CSMD1: variants seen among roughly 807,000 people sequenced by gnomAD.
The protein encoded by CSMD1 is CUB and Sushi multiple domains 1.
CSMD1 carries 213 observed loss-of-function variants against 417.5 expected under a neutral mutation model. That is an observed-to-expected ratio of 0.51 (90% CI 0.46 to 0.57). The LOEUF is 0.57. Ranked by LOEUF, CSMD1 falls within the 20% of genes least tolerant of loss-of-function variation. The pLI, the probability that CSMD1 is intolerant of heterozygous loss-of-function variation, is 0.00. For missense variants in CSMD1, 6,923 were observed against 4,529.7 expected (o/e 1.53, Z -15.17); for synonymous variants, 2,862 against 1,736.8 (o/e 1.65, Z -16.11).
chr8:3,862,337 G>A (rs1163291544), intron 5 of CSMD1, among the ~76,000 whole-genome samples: 1 of 152,134 alleles, frequency 6.6e-6, no homozygotes, highest in Non-Finnish European at 1.5e-5. Flanking sequence ...CGTCCACCAG[G>A]TGACCTCACT....
At chr8:4,300,321 G>C (rs1217691718) in intron 3 of CSMD1, among the ~76,000 whole-genome samples, 1 of 152,104 alleles carries the variant, frequency 6.6e-6, no homozygotes, top group East Asian at 1.9e-4. Context: ...ACCTCAAAAA[G>C]TTTGTGGAAA....
intron 2 of CSMD1, among the ~76,000 whole-genome samples, chr8:4,606,162 G>C (rs1800856850): frequency 6.6e-6 from 1 of 152,148 alleles, no homozygotes; most frequent in South Asian, 2.1e-4. Flanking sequence ...CTAAACCGCA[G>C]GACACATAAC....
chr8:3,125,706 G>A (rs756266998), intron 41 of CSMD1, among the ~76,000 whole-genome samples: 18 of 152,174 alleles, frequency 1.2e-4, no homozygotes, highest in Non-Finnish European at 1.6e-4. Context: ...GCCAGGTGCC[G>A]TGGCTCATGC....
At position 4,312,376 on chromosome 8, in the gene CSMD1, A is replaced by AATATATATATATATAT. The variant is rs535230667; in HGVS notation, c.415+107561_415+107576dup. Among the ~76,000 whole-genome samples the AATATATATATATATAT allele has an allele frequency of 2.4e-3, 152 of 63,110 alleles. 11 individuals carry two copies. The highest frequency in any genetic ancestry group is 8.8e-3 in the African/African-American group (139 of 15,720). 41.4% of individuals were successfully genotyped at this position (63,110 alleles called of 152,430 possible). On this transcript the variant is annotated intron_variant, in intron 3 of 69. Transcript: ENST00000635120. The stretch of plus-strand genomic sequence containing the variant: ...TAAGCTAATTACTTTTAATGGAACA[A>AATATATATATATATAT]ATATATATATATATATACATACATA...
Position 3,199,769 on chromosome 8 carries a change from G to T in CSMD1, c.5139C>A (p.Leu1713=). Residue 1713 remains leucine, a synonymous_variant, in exon 33 of 70, where the codon CTC becomes CTA. Transcript: ENST00000635120. ...LPLATSNQIL[L]RFSAKSGASA... ...AGGCACCGCTCTTTGCACTGAATCG[G>T]AGCAGAATTTGATTTGACGTAGCCA... The T allele has an allele frequency of 6.3e-7, 1 of 1,586,232 alleles. No individual in the cohort carries two copies. The highest frequency in any genetic ancestry group is 8.6e-7 in the Non-Finnish European group (1 of 1,165,822).
intron 5 of CSMD1, among the ~76,000 whole-genome samples, chr8:3,846,969 C>T (rs1803550845): frequency 1.3e-5 from 2 of 152,306 alleles, no homozygotes; most frequent in Middle Eastern, 3.4e-3. Flanking sequence ...GCCACTGCGC[C>T]TGGCCCCAGG....
At chr8:3,148,357 G>A (rs1818976098) in intron 40 of CSMD1, among the ~76,000 whole-genome samples, 1 of 152,202 alleles carries the variant, frequency 6.6e-6, no homozygotes, top group Non-Finnish European at 1.5e-5. Flanking sequence ...GAGATTCTGA[G>A]AAGAGCTTGC....
intron 1 of CSMD1, among the ~76,000 whole-genome samples, chr8:4,817,387 T>C (rs1799268808): frequency 6.6e-6 from 1 of 152,236 alleles, no homozygotes; most frequent in African/African-American, 2.4e-5. Flanking sequence ...TGAGGCCTGC[T>C]TGGCAACCTA....
intron 2 of CSMD1, among the ~76,000 whole-genome samples, chr8:4,473,338 A>C (rs1421152711): frequency 3.9e-5 from 6 of 152,332 alleles, no homozygotes; most frequent in African/African-American, 1.4e-4. Flanking sequence ...CAGCAGAGAC[A>C]ACCTGATGCC....
chr8:3,341,080 A>T (rs146248456), intron 23 of CSMD1, among the ~76,000 whole-genome samples: 13 of 152,330 alleles, frequency 8.5e-5, no homozygotes, highest in Middle Eastern at 3.4e-3. Context: ...AGTGGAAGTG[A>T]CCTCAAAACT....
chr8:4,587,004 T>C (rs1034609067), intron 2 of CSMD1, among the ~76,000 whole-genome samples: 1 of 152,202 alleles, frequency 6.6e-6, no homozygotes, highest in Non-Finnish European at 1.5e-5. Context: ...ATAATAGAGA[T>C]ACCCATTAAA....
At chr8:3,534,757 C>T (rs1798122123) in intron 10 of CSMD1, among the ~76,000 whole-genome samples, 1 of 152,204 alleles carries the variant, frequency 6.6e-6, no homozygotes, top group South Asian at 2.1e-4. Context: ...GAGCATATGG[C>T]ATCTTAAAGC....
In CSMD1 at chr8:4,944,984, C is replaced by T. The variant is rs147175476; in HGVS notation, c.85+49348G>A. On this transcript the variant is annotated intron_variant, in intron 1 of 69. Transcript: ENST00000635120. ...GTGTATCAGAGCTATTCAAAACAGA[C>T]GAGAGGTGGAACCAACCCGTGTCCC... 1.6e-3 allele frequency among the ~76,000 whole-genome samples: 239 copies of T among 152,206 alleles called. 3 individuals are homozygous for T. In the East Asian group the frequency reaches 0.032, roughly 20 times the overall value.
chr8:4,394,857 G>A (rs925250516), intron 3 of CSMD1, among the ~76,000 whole-genome samples: 1 of 152,004 alleles, frequency 6.6e-6, no homozygotes, highest in Non-Finnish European at 1.5e-5. Context: ...CTCTGGGCTA[G>A]AGAGTCCGAT....
intron 2 of CSMD1, among the ~76,000 whole-genome samples, chr8:4,461,792 G>T (rs566290759): frequency 1.4e-5 from 2 of 147,248 alleles, no homozygotes; most frequent in Non-Finnish European, 3.0e-5. Flanking sequence ...CCAGGCTGGA[G>T]TGCAGTAGTA....
intron 1 of CSMD1, among the ~76,000 whole-genome samples, chr8:4,812,800 G>T (rs774166524): frequency 6.6e-6 from 1 of 152,096 alleles, no homozygotes; most frequent in Non-Finnish European, 1.5e-5. Context: ...TGCTCTTATG[G>T]AGGAAAACAC....
intron 2 of CSMD1, among the ~76,000 whole-genome samples, chr8:4,489,400 A>C (rs1439329052): frequency 6.6e-6 from 1 of 152,122 alleles, no homozygotes; most frequent in African/African-American, 2.4e-5. Flanking sequence ...CCACCAAAAC[A>C]TTTACCATTC....
chr8:4,823,694 G>A (rs1374823361), intron 1 of CSMD1, among the ~76,000 whole-genome samples: 1 of 152,040 alleles, frequency 6.6e-6, no homozygotes, highest in Non-Finnish European at 1.5e-5. Flanking sequence ...TCTCTATGGT[G>A]AGAATTAATA....
chr8:3,464,037 C>A (rs1816665179), intron 12 of CSMD1, among the ~76,000 whole-genome samples: 2 of 152,186 alleles, frequency 1.3e-5, no homozygotes, highest in African/African-American at 4.8e-5. Flanking sequence ...TTACTGGAAT[C>A]ACTCTTAGTA....
Sources: allele counts gnomAD v4.1 joint callset (sites outside exome capture counted in the v4.1 genomes callset), GRCh38; gene constraint gnomAD v4.1.1; transcripts MANE v1.5; gene names NCBI Gene and HGNC (gene_info 2026-07-23, HGNC 2026-07-21).